Variants in RIMS2 observed in about 807,000 individuals in gnomAD.
RIMS2 encodes the protein regulating synaptic membrane exocytosis protein 2.
In RIMS2, 59 loss-of-function variants were observed where a neutral mutation model predicts 174.4. The observed-to-expected ratio is 0.34, with a 90% CI of 0.27 to 0.42. RIMS2 has a LOEUF of 0.42. Among genes scored for constraint, RIMS2 ranks in the 10% least tolerant of loss-of-function variants. RIMS2 has a pLI of 1.00. For synonymous variants in RIMS2, 606 were observed against 572.5 expected, an observed-to-expected ratio of 1.06 and a Z score of -0.84; for missense variants, 1,620 against 1,666.3, an observed-to-expected ratio of 0.97 and a Z score of 0.48.
intron 20 of RIMS2, among the ~76,000 whole-genome samples, chr8:104,245,981 A>G (rs1324604330): frequency 1.3e-4 from 20 of 152,218 alleles, no homozygotes; most frequent in Non-Finnish European, 2.9e-5. Flanking sequence ...GGGGGGAGAA[A>G]TAGATTCACT....
chr8:103,513,203 AATGCCTCTAT>A (rs1234342454), intron 1 of RIMS2, among the ~76,000 whole-genome samples: 1 of 152,156 alleles, frequency 6.6e-6, no homozygotes, highest in African/African-American at 2.4e-5. Context: ...TGTAATATGA[AATGCCTCTAT>A]ATGCCTCTAT....
At chr8:104,223,489 TCTC>T in intron 19 of RIMS2, 1 of 1,379,718 alleles carries the variant, frequency 7.2e-7, no homozygotes, top group East Asian at 3.0e-5. Context: ...GAAAGCCACG[TCTC>T]CTCCGGGCTG....
chr8:103,854,395 T>G (rs975529281), intron 3 of RIMS2, among the ~76,000 whole-genome samples: 4 of 152,104 alleles, frequency 2.6e-5, no homozygotes, highest in Non-Finnish European at 1.5e-5. Flanking sequence ...CAGTAATATG[T>G]TGAATAAGAG....
At chr8:103,528,238 GT>G (rs926978788) in intron 1 of RIMS2, among the ~76,000 whole-genome samples, 60 of 147,148 alleles carry the variant, frequency 4.1e-4, no homozygotes, top group African/African-American at 8.7e-4. Flanking sequence ...CAATGGGGTT[GT>G]TTTTTTTTTT....
chr8:103,774,115 C>T (rs2098283897), intron 3 of RIMS2, among the ~76,000 whole-genome samples: 2 of 152,166 alleles, frequency 1.3e-5, no homozygotes, highest in African/African-American at 4.8e-5. Context: ...GCACTCCAGC[C>T]TGGGTGACTG....
At chr8:103,686,280 G>A (rs927381466) in intron 1 of RIMS2, among the ~76,000 whole-genome samples, 5 of 152,038 alleles carry the variant, frequency 3.3e-5, no homozygotes, top group African/African-American at 1.2e-4. Context: ...ACTGCAAATA[G>A]TTTTCTATTT....
rs141484580 is a variant in RIMS2, at chr8:104,010,077, A to G, written c.3045-3365A>G. On this transcript the variant is annotated intron_variant, in intron 17 of 23. Coordinates refer to ENST00000504942, the Ensembl canonical transcript of RIMS2. ...CATTGGGTTATAGACAAGAGTTCCC[A>G]CTACTAGAGGGAAATCCCTTGCAAG... Among the ~76,000 whole-genome samples, 267 of 152,250 alleles carry G rather than the reference A, an allele frequency of 1.8e-3. 2 individuals carry two copies. The highest frequency in any genetic ancestry group is 5.9e-3 in the African/African-American group (245 of 41,554).
intron 1 of RIMS2, among the ~76,000 whole-genome samples, chr8:103,642,729 C>A (rs936193657): frequency 2.0e-5 from 3 of 151,922 alleles, no homozygotes; most frequent in Admixed American, 2.0e-4. Context: ...TTATTCAACA[C>A]TTTAGATATT....
intron 1 of RIMS2, among the ~76,000 whole-genome samples, chr8:103,579,261 TCACA>T (rs1056517115): frequency 3.3e-5 from 2 of 59,778 alleles, no homozygotes; most frequent in Non-Finnish European, 7.9e-5. Flanking sequence ...TGTCTCTGTC[TCACA>T]CACACACAGA....
exon 6 of RIMS2, chr8:103,912,104 A>G: frequency 6.2e-7 from 1 of 1,607,342 alleles, no homozygotes; most frequent in African/African-American, 1.3e-5. Flanking sequence ...AATTGGTCGC[A>G]TTTTATTAAA....
At chr8:103,743,613 A>G (rs1166093695) in intron 2 of RIMS2, among the ~76,000 whole-genome samples, 2 of 152,164 alleles carry the variant, frequency 1.3e-5, no homozygotes. Flanking sequence ...GTTTACATTT[A>G]TATTGTAAAC....
At chr8:103,672,629 G>A (rs113160264) in intron 1 of RIMS2, among the ~76,000 whole-genome samples, 3 of 152,064 alleles carry the variant, frequency 2.0e-5, no homozygotes, top group African/African-American at 7.2e-5. Context: ...CTATAGTGAA[G>A]ATAGCACCAA....
chr8:103,825,321 T>C (rs1350240037), intron 3 of RIMS2, among the ~76,000 whole-genome samples: 1 of 152,176 alleles, frequency 6.6e-6, no homozygotes, highest in African/African-American at 2.4e-5. Flanking sequence ...TCTCTCTCTG[T>C]CACCCAGGCT....
intron 3 of RIMS2, among the ~76,000 whole-genome samples, chr8:103,826,002 A>G (rs1191748353): frequency 6.6e-6 from 1 of 152,108 alleles, no homozygotes; most frequent in Non-Finnish European, 1.5e-5. Context: ...TAATTTTATT[A>G]TATTTGCCTC....
At chr8:104,065,061 T>C (rs2097080633) in intron 19 of RIMS2, among the ~76,000 whole-genome samples, 2 of 152,204 alleles carry the variant, frequency 1.3e-5, no homozygotes, top group Admixed American at 1.3e-4. Context: ...ACTTTTTATT[T>C]TGGAAAGTTT....
chr8:104,242,353 C>G (rs1209167686), intron 19 of RIMS2, among the ~76,000 whole-genome samples: 1 of 152,070 alleles, frequency 6.6e-6, no homozygotes, highest in Admixed American at 6.6e-5. Context: ...TCATTATGCA[C>G]CTTAAAAAAT....
chr8:103,865,132 T>C (rs2099078313), intron 3 of RIMS2, among the ~76,000 whole-genome samples: 1 of 151,822 alleles, frequency 6.6e-6, no homozygotes, highest in Admixed American at 6.6e-5. Flanking sequence ...GGTTTGGTAA[T>C]AATTTGTATT....
At chr8:104,027,162 A>G (rs1376818832) in intron 19 of RIMS2, among the ~76,000 whole-genome samples, 1 of 152,188 alleles carries the variant, frequency 6.6e-6, no homozygotes, top group Admixed American at 6.5e-5. Flanking sequence ...ATTTAGGGCA[A>G]TTCAGTCATC....
At chr8:103,750,590 G>A (rs918647911) in intron 2 of RIMS2, among the ~76,000 whole-genome samples, 3 of 152,082 alleles carry the variant, frequency 2.0e-5, no homozygotes, top group African/African-American at 4.8e-5. Context: ...ATCCCCACGT[G>A]TCAAGTGTGG....
Sources: gnomAD v4.1 joint callset for allele counts (sites outside exome capture counted in the v4.1 genomes callset) on GRCh38, gnomAD v4.1.1 for gene constraint, MANE v1.5 for transcripts, NCBI Gene and HGNC (gene_info 2026-07-23, HGNC 2026-07-21) for gene names.